Variants in ARMC2 observed in about 807,000 individuals in gnomAD.
The protein encoded by ARMC2 is armadillo repeat containing 2, also known as armadillo repeat-containing protein 2.
In ARMC2, 67 loss-of-function variants were observed where a neutral mutation model predicts 90.3. That is an observed-to-expected ratio of 0.74 (90% CI 0.61 to 0.91). ARMC2 has a LOEUF of 0.91. ARMC2 is among the 40% of genes least tolerant of loss of function. The pLI is 0.00. For missense variants in ARMC2, 920 were observed against 1,030.9 expected, an observed-to-expected ratio of 0.89 and a Z score of 1.47; for synonymous variants, 393 against 393.0, an observed-to-expected ratio of 1.00 and a Z score of 0.00.
chr6:109,002,901 A>G, the ARMC2 span, among the ~76,000 whole-genome samples: 1 of 151,888 alleles, frequency 6.6e-6, no homozygotes, highest in Non-Finnish European at 1.5e-5. Context: ...TTTTAGAGAA[A>G]CTCATTTTGT....
chr6:108,882,455 GA>G (rs1777695270), intron 5 of ARMC2, among the ~76,000 whole-genome samples: 2 of 144,816 alleles, frequency 1.4e-5, no homozygotes, highest in Non-Finnish European at 3.0e-5. Context: ...AAAAAAAAAG[GA>G]AAAAAGCACT....
the ARMC2 span, among the ~76,000 whole-genome samples, chr6:109,038,384 T>C: frequency 1.3e-5 from 2 of 152,266 alleles, no homozygotes; most frequent in African/African-American, 4.8e-5. Context: ...CCCAGCTACT[T>C]GGGAGGCTCA....
intron 17 of ARMC2, among the ~76,000 whole-genome samples, chr6:108,965,870 G>A (rs2128516180): frequency 6.6e-6 from 1 of 150,450 alleles, no homozygotes; most frequent in South Asian, 2.1e-4. Context: ...CCAGGCTGGT[G>A]TCAACCTCCT....
the ARMC2 span, chr6:108,994,360 G>C: frequency 3.2e-6 from 3 of 932,038 alleles, no homozygotes; most frequent in Non-Finnish European, 4.7e-6. Context: ...CTCTCTAAAA[G>C]GAAGGACATA....
intron 12 of ARMC2, among the ~76,000 whole-genome samples, chr6:108,937,301 T>C (rs2128492877): frequency 6.6e-6 from 1 of 151,580 alleles, no homozygotes; most frequent in South Asian, 2.1e-4. Flanking sequence ...CACCTTGGGG[T>C]GGGGGAGGGG....
At chr6:109,024,999 C>T in the ARMC2 span, among the ~76,000 whole-genome samples, 6 of 152,204 alleles carry the variant, frequency 3.9e-5, no homozygotes, top group South Asian at 1.3e-3. Context: ...TCTAGGGAGA[C>T]AGTGAGCACT....
intron 10 of ARMC2, among the ~76,000 whole-genome samples, chr6:108,923,234 A>T (rs1774765625): frequency 6.6e-6 from 1 of 152,176 alleles, no homozygotes; most frequent in Non-Finnish European, 1.5e-5. Flanking sequence ...GGTTTGAAAG[A>T]TTATATACAA....
intron 16 of ARMC2, 46 bp downstream of exon 16, chr6:108,964,358 A>G: frequency 6.3e-7 from 1 of 1,589,222 alleles, no homozygotes; most frequent in Non-Finnish European, 8.6e-7. Context: ...GATTTGAAGG[A>G]CATCATTTTC....
At chr6:108,930,158 G>A (rs1583152796) in intron 11 of ARMC2, among the ~76,000 whole-genome samples, 1 of 150,514 alleles carries the variant, frequency 6.6e-6, no homozygotes. Context: ...AACTCTTCTT[G>A]TTCTTTTCCC....
intron 5 of ARMC2, among the ~76,000 whole-genome samples, chr6:108,886,041 C>T (rs1028955285): frequency 6.6e-6 from 1 of 152,234 alleles, no homozygotes; most frequent in African/African-American, 2.4e-5. Flanking sequence ...TCCTACACAA[C>T]TTGAATCTAG....
At chr6:109,046,612 G>C in the ARMC2 span, among the ~76,000 whole-genome samples, 13 of 141,038 alleles carry the variant, frequency 9.2e-5, 1 homozygote, top group Admixed American at 6.9e-4. Context: ...GTCTGCGCCC[G>C]GCCGCCATCC....
At chr6:109,028,998 G>A in the ARMC2 span, among the ~76,000 whole-genome samples, 1 of 152,124 alleles carries the variant, frequency 6.6e-6, no homozygotes, top group African/African-American at 2.4e-5. Context: ...AGTCTAAATT[G>A]TTCACTTCAT....
intron 3 of ARMC2, among the ~76,000 whole-genome samples, chr6:108,864,524 G>C (rs1775610774): frequency 6.6e-6 from 1 of 152,208 alleles, no homozygotes; most frequent in Non-Finnish European, 1.5e-5. Flanking sequence ...TGGGATTACA[G>C]GCATGAGCCA....
chr6:108,998,400 A>C, the ARMC2 span: 19 of 1,274,640 alleles, frequency 1.5e-5, 1 homozygote, highest in African/African-American at 2.7e-4. Context: ...TAGGGGCCCA[A>C]TATCTCCACA....
At chr6:108,862,783 G>A (rs1229106107) in intron 3 of ARMC2, among the ~76,000 whole-genome samples, 1 of 152,168 alleles carries the variant, frequency 6.6e-6, no homozygotes, top group Non-Finnish European at 1.5e-5. Flanking sequence ...TTGAATCTCA[G>A]TGCTTTTTGG....
intron 3 of ARMC2, among the ~76,000 whole-genome samples, chr6:108,866,385 T>TA (rs1438837234): frequency 6.6e-6 from 1 of 152,220 alleles, no homozygotes; most frequent in Non-Finnish European, 1.5e-5. Flanking sequence ...TAGTGCAACT[T>TA]ATGCAGACAA....
In ARMC2 at chr6:108,894,472, A is replaced by G. The variant is rs1055237739; in HGVS notation, c.677A>G (p.Gln226Arg). ...LPSHLKNGGD[Q>R]GKRHARASSC... is the part of the protein sequence containing the mutation. The stretch of plus-strand genomic sequence containing the variant: ...GTTTTATGTATTCCTCCTAGGGACC[A>G]GGGGAAGAGACATGCGAGGGCCTCA... The change falls in exon 6 of 18, where the codon CAG (glutamine) becomes CGG (arginine). Residue 226 changes from glutamine (Q) to arginine (R), a missense_variant. Coordinates refer to ENST00000392644, the MANE Select transcript of ARMC2 (RefSeq NM_032131.6). The G allele has an allele frequency of 3.7e-6, 6 of 1,608,570 alleles. No individual in the cohort carries two copies. Among genetic ancestry groups the G allele is most frequent in the East Asian group, 2.2e-5 (1 of 44,606 alleles).
intron 3 of ARMC2, among the ~76,000 whole-genome samples, chr6:108,863,696 T>C (rs1775515010): frequency 6.6e-6 from 1 of 152,256 alleles, no homozygotes; most frequent in Non-Finnish European, 1.5e-5. Context: ...TTCCTAAACT[T>C]ACCGAGTCCA....
intron 12 of ARMC2, among the ~76,000 whole-genome samples, chr6:108,941,484 G>A (rs1022303092): frequency 2.6e-5 from 4 of 152,188 alleles, no homozygotes; most frequent in African/African-American, 9.7e-5. Flanking sequence ...CCAGGGCATT[G>A]TTTAATGACC....
Sources: allele counts gnomAD v4.1 joint callset (sites outside exome capture counted in the v4.1 genomes callset), GRCh38; gene constraint gnomAD v4.1.1; transcripts MANE v1.5; gene names NCBI Gene and HGNC (gene_info 2026-07-23, HGNC 2026-07-21).